ELL2: variants seen among roughly 807,000 people sequenced by gnomAD.
The protein encoded by ELL2 is RNA polymerase II elongation factor ELL2.
In ELL2, 21 loss-of-function variants were observed where a neutral mutation model predicts 72.8. That is an observed-to-expected ratio of 0.29 (90% CI 0.20 to 0.42). The LOEUF is 0.42. Ranked by LOEUF, ELL2 falls within the 10% of genes least tolerant of loss-of-function variation. The pLI is 1.00. For missense variants in ELL2, 568 were observed against 772.8 expected (o/e 0.73, Z 3.14); for synonymous variants, 266 against 283.2 (o/e 0.94, Z 0.61).
chr5:95,932,639 C>T (rs1020014220), intron 2 of ELL2: 1 of 151,938 alleles, frequency 6.6e-6, no homozygotes, highest in African/African-American at 2.4e-5. Flanking sequence ...CACAGCATTG[C>T]TCCATGAAAA....
intron 3 of ELL2, among the ~76,000 whole-genome samples, chr5:95,914,630 G>T (rs1749717618): frequency 6.6e-6 from 1 of 152,142 alleles, no homozygotes; most frequent in Admixed American, 6.5e-5. Flanking sequence ...AAGGCAGGTG[G>T]ATTGCTTGAG....
intron 2 of ELL2, among the ~76,000 whole-genome samples, chr5:95,938,946 C>T (rs924181023): frequency 6.6e-5 from 10 of 152,162 alleles, no homozygotes; most frequent in African/African-American, 2.4e-4. Context: ...GGACATGAGT[C>T]CCTGAGGCCT....
At chr5:95,924,838 C>T (rs777230488) in intron 2 of ELL2, among the ~76,000 whole-genome samples, 2 of 152,186 alleles carry the variant, frequency 1.3e-5, no homozygotes, top group African/African-American at 2.4e-5. Flanking sequence ...TAAGTCAAAA[C>T]GTCTAATTAC....
intron 5 of ELL2, 49 bp downstream of exon 5, chr5:95,906,474 A>AT: frequency 1.3e-6 from 2 of 1,519,784 alleles, no homozygotes; most frequent in Non-Finnish European, 1.8e-6. Context: ...TTAAATGAAC[A>AT]TTTTAACAAG....
At position 95,906,704 on chromosome 5, in the gene ELL2, T is replaced by C. The variant is rs200371506; in HGVS notation, c.560A>G (p.Asn187Ser). The C allele has an allele frequency of 7.4e-6, 12 of 1,613,984 alleles. 1 individual carries two copies. The South Asian group carries it at 1.3e-4, about 18-fold the overall frequency. ...VPERKRSTPM[N>S]PANTIRKTHS... is the part of the protein sequence containing the mutation. ...TGTCTTTCGAATTGTATTTGCAGGG[T>C]TCATGGGGGTTGACCTTTTCCTCTC... Residue 187 changes from asparagine to serine, a missense_variant, in exon 5 of 12, where the codon AAC becomes AGC. Physicochemically the swap from Asn to Ser is conservative, Grantham distance 46. Around this residue, in one of 2 missense-constraint regions of ELL2, gnomAD observed 511 missense variants for 728.4 expected, o/e 0.70. Transcript: ENST00000237853.
chr5:95,917,857 A>C (rs1054232110), intron 3 of ELL2, among the ~76,000 whole-genome samples: 4 of 152,230 alleles, frequency 2.6e-5, no homozygotes, highest in Non-Finnish European at 5.9e-5. Context: ...GAGAGGATTA[A>C]GCTCCTTAAT....
intron 9 of ELL2, among the ~76,000 whole-genome samples, chr5:95,891,705 G>A (rs749427252): frequency 7.2e-5 from 11 of 152,172 alleles, no homozygotes; most frequent in Non-Finnish European, 1.5e-4. Flanking sequence ...CGTGAGTGCT[G>A]AAAGTCAAAG....
chr5:95,950,739 A>G (rs1054937226), intron 1 of ELL2, among the ~76,000 whole-genome samples: 2 of 151,640 alleles, frequency 1.3e-5, no homozygotes, highest in Admixed American at 6.6e-5. Flanking sequence ...AGTAAAGAAT[A>G]ATTTCTTTCT....
chr5:95,890,164 T>A (rs1278519645), intron 10 of ELL2, among the ~76,000 whole-genome samples: 1 of 151,978 alleles, frequency 6.6e-6, no homozygotes, highest in Non-Finnish European at 1.5e-5. Flanking sequence ...GAAAAAAAAA[T>A]AAACCCCAAA....
In ELL2 at chr5:95,911,929, G is replaced by A. The variant is rs563316705; in HGVS notation, c.481+1842C>T. Among the ~76,000 whole-genome samples, 1,377 of 152,298 alleles carry A rather than the reference G, an allele frequency of 9.0e-3. 18 individuals are homozygous for A. The highest frequency in any genetic ancestry group is 0.032 in the African/African-American group (1,325 of 41,560). On this transcript the variant is annotated intron_variant, in intron 4 of 11. Coordinates refer to ENST00000237853, the MANE Select transcript of ELL2 (RefSeq NM_012081.6). ...CAGAGTGCCCGGATTGGCCGAGATC[G>A]ATGCAAGCCTCTGCAGGGAGGAAGA...
chr5:95,905,829 C>A (rs1749336234), intron 5 of ELL2, among the ~76,000 whole-genome samples: 1 of 150,744 alleles, frequency 6.6e-6, no homozygotes, highest in African/African-American at 2.4e-5. Flanking sequence ...AAAGATGGAC[C>A]ACCATTTATG....
At position 95,888,766 on chromosome 5, in the gene ELL2, C is replaced by T. The variant is rs1366922973; in HGVS notation, c.*105G>A. On this transcript the variant is annotated 3_prime_UTR_variant, in exon 12 of 12. Coordinates refer to ENST00000237853, the MANE Select transcript of ELL2 (RefSeq NM_012081.6). ...TAACTCAAGTTTACTAATACTGAAA[C>T]TTTCAACAGCCAAAGTTTCACCTTT... 3.8e-6 allele frequency: 3 copies of T among 788,674 alleles called. No individual in the cohort carries two copies. In the East Asian group the frequency reaches 8.6e-5, roughly 23 times the overall value. The allele number at this position is 788,674 out of a possible 1,614,324, so 48.9% of individuals were successfully genotyped here.
chr5:95,930,010 G>A (rs1297127585), intron 2 of ELL2, among the ~76,000 whole-genome samples: 3 of 152,086 alleles, frequency 2.0e-5, no homozygotes, highest in Non-Finnish European at 4.4e-5. Context: ...CTGGCTTCAC[G>A]AAATTCCATT....
intron 1 of ELL2, among the ~76,000 whole-genome samples, chr5:95,943,645 T>C (rs1751053054): frequency 6.6e-6 from 1 of 152,214 alleles, no homozygotes; most frequent in African/African-American, 2.4e-5. Context: ...AATTAAATAT[T>C]TGAGAATAAA....
intron 1 of ELL2, among the ~76,000 whole-genome samples, chr5:95,958,570 G>C (rs986893440): frequency 3.3e-5 from 5 of 152,162 alleles, no homozygotes; most frequent in Non-Finnish European, 5.9e-5. Context: ...CTGCTTGCTT[G>C]TCCACACCCC....
At chr5:95,931,705 A>C (rs141690939) in intron 2 of ELL2, among the ~76,000 whole-genome samples, 234 of 151,490 alleles carry the variant, frequency 1.5e-3, no homozygotes, top group African/African-American at 4.9e-3. Flanking sequence ...TGAATCAGCT[A>C]AAACAGGTGT....
At chr5:95,910,524 T>TA (rs1301414482) in intron 4 of ELL2, among the ~76,000 whole-genome samples, 2 of 152,076 alleles carry the variant, frequency 1.3e-5, no homozygotes, top group Non-Finnish European at 1.5e-5. Context: ...TACTGGAAGA[T>TA]AATGTTTTCT....
chr5:95,915,123 A>G (rs970941225), intron 3 of ELL2, among the ~76,000 whole-genome samples: 2 of 151,994 alleles, frequency 1.3e-5, no homozygotes, highest in Non-Finnish European at 2.9e-5. Flanking sequence ...TTTTTTTTTG[A>G]GATGGAGTCT....
rs1750340814 is a variant in ELL2 at position 95,927,399 on chromosome 5, A to ACACACACACG, written c.196-7855_196-7854insCGTGTGTGTG. ...CACACACACGTGTGTATATATAGAC[A>ACACACACACG]TACACACACGTGTGTATATAGACAT... On this transcript the variant is annotated intron_variant, in intron 2 of 11. Transcript: ENST00000237853. 2.2e-4 allele frequency among the ~76,000 whole-genome samples: 6 copies of ACACACACACG among 27,852 alleles called. 1 individual carries two copies. Among genetic ancestry groups the ACACACACACG allele is most frequent in the Admixed American group, 7.0e-4 (3 of 4,262 alleles). The allele number at this position is 27,852 out of a possible 152,430, so 18.3% of individuals were successfully genotyped here.
Sources: allele counts gnomAD v4.1 joint callset (sites outside exome capture counted in the v4.1 genomes callset), GRCh38; gene constraint gnomAD v4.1.1; regional missense constraint gnomAD v4.1.1; transcripts MANE v1.5; gene names NCBI Gene and HGNC (gene_info 2026-07-23, HGNC 2026-07-21).